The following CDK19 variants were observed in gnomAD, a reference collection of about 807,000 sequenced individuals.
CDK19 encodes the protein cyclin dependent kinase 19.
In CDK19, 20 loss-of-function variants were observed where a neutral mutation model predicts 68.3. The observed-to-expected ratio is 0.29, with a 90% confidence interval of 0.21 to 0.43. The LOEUF (loss-of-function observed/expected upper bound fraction) is 0.43, where lower values mean the gene tolerates loss of function less well. Among genes scored for constraint, CDK19 ranks in the 20% least tolerant of loss-of-function variants. CDK19 has a pLI of 1.00. For missense variants in CDK19, 339 were observed against 623.5 expected (o/e 0.54, Z 4.86); for synonymous variants, 221 against 222.8 (o/e 0.99, Z 0.07).
rs754325636 is a variant in CDK19, at chr6:110,714,273, C to G, written c.204+31853G>C. On this transcript the variant is annotated intron_variant, in intron 2 of 12. Transcript: ENST00000368911. Reference sequence around the variant, plus strand: ...TGGCCAGTATGGCTGAATAATATTCCCTTATATGGATATAGCACATTTTGT... The same window carrying G: ...TGGCCAGTATGGCTGAATAATATTCGCTTATATGGATATAGCACATTTTGT... Among the ~76,000 whole-genome samples, 18 of 152,110 alleles carry G rather than the reference C, an allele frequency of 1.2e-4. 1 individual carries two copies. Among genetic ancestry groups the G allele is most frequent in the Non-Finnish European group, 2.4e-4 (16 of 68,026 alleles).
chr6:110,633,572 G>A (rs1442886691), intron 5 of CDK19, among the ~76,000 whole-genome samples: 1 of 152,066 alleles, frequency 6.6e-6, no homozygotes, highest in Non-Finnish European at 1.5e-5. Flanking sequence ...TTTAACAAAG[G>A]TCTAAACCAA....
chr6:110,811,310 A>C (rs1009093446), intron 1 of CDK19, among the ~76,000 whole-genome samples: 1 of 152,242 alleles, frequency 6.6e-6, no homozygotes, highest in Non-Finnish European at 1.5e-5. Context: ...CTCATTGTGA[A>C]GAATTTCATG....
At chr6:110,801,087 G>T (rs952272949) in intron 1 of CDK19, among the ~76,000 whole-genome samples, 1 of 152,044 alleles carries the variant, frequency 6.6e-6, no homozygotes, top group Admixed American at 6.6e-5. Flanking sequence ...CCCGATAAAC[G>T]ACTTCAGTAC....
At chr6:110,812,915 A>G (rs1783220196) in intron 1 of CDK19, among the ~76,000 whole-genome samples, 1 of 151,968 alleles carries the variant, frequency 6.6e-6, no homozygotes, top group Non-Finnish European at 1.5e-5. Flanking sequence ...CTACCAACCC[A>G]CAAGAGACGT....
chr6:110,694,972 C>G (rs2114603203), intron 2 of CDK19, among the ~76,000 whole-genome samples: 1 of 152,226 alleles, frequency 6.6e-6, no homozygotes, highest in East Asian at 1.9e-4. Context: ...GAAAAATTAG[C>G]CAAGCATGGT....
intron 2 of CDK19, among the ~76,000 whole-genome samples, chr6:110,718,748 TCA>T (rs1775598299): frequency 6.6e-6 from 1 of 151,884 alleles, no homozygotes; most frequent in Non-Finnish European, 1.5e-5. Flanking sequence ...AAATTGCCAT[TCA>T]CAGATAGTTG....
At chr6:110,655,685 C>A (rs533731063) in intron 4 of CDK19, among the ~76,000 whole-genome samples, 1 of 151,762 alleles carries the variant, frequency 6.6e-6, no homozygotes, top group South Asian at 2.1e-4. Flanking sequence ...TCAACTATCT[C>A]CCCTCCTCTC....
chr6:110,774,273 A>C (rs1562277650), intron 1 of CDK19, among the ~76,000 whole-genome samples: 1 of 152,226 alleles, frequency 6.6e-6, no homozygotes, highest in Non-Finnish European at 1.5e-5. Flanking sequence ...AAATTATGTG[A>C]GAGCCAATAC....
In CDK19 at chr6:110,719,955, T is replaced by C. The variant is rs1021697306; in HGVS notation, c.204+26171A>G. ...CATGTTGGTCAGGTTGGTCTTGAAC[T>C]CCTGACCTTGTGATCCGCCCCCCCC... is the stretch of plus-strand genomic sequence containing the variant. On this transcript the variant is annotated intron_variant, in intron 2 of 12. Transcript: ENST00000368911. 2.4e-4 allele frequency among the ~76,000 whole-genome samples: 32 copies of C among 133,884 alleles called. No individual in the cohort carries two copies. The South Asian group carries it at 6.5e-3, about 27-fold the overall frequency. The allele number at this position is 133,884 out of a possible 152,430, so 87.8% of individuals were successfully genotyped here.
chr6:110,728,187 C>T (rs1582963857), intron 2 of CDK19, among the ~76,000 whole-genome samples: 1 of 151,096 alleles, frequency 6.6e-6, no homozygotes, highest in South Asian at 2.1e-4. Context: ...ACTCAGGAGG[C>T]TAAGGCAGCA....
intron 1 of CDK19, among the ~76,000 whole-genome samples, chr6:110,796,278 A>T (rs1781933432): frequency 6.6e-6 from 1 of 152,112 alleles, no homozygotes; most frequent in Non-Finnish European, 1.5e-5. Flanking sequence ...CAGAGGCTGC[A>T]GTGAGCCAAG....
chr6:110,687,038 T>C (rs970914099), intron 2 of CDK19, among the ~76,000 whole-genome samples: 4 of 152,150 alleles, frequency 2.6e-5, no homozygotes, highest in Non-Finnish European at 4.4e-5. Flanking sequence ...CATATCTACA[T>C]TTAAAATTAA....
intron 2 of CDK19, among the ~76,000 whole-genome samples, chr6:110,682,676 A>G (rs533281905): frequency 2.0e-5 from 3 of 152,178 alleles, no homozygotes; most frequent in Non-Finnish European, 4.4e-5. Flanking sequence ...TTTGCCACCC[A>G]GTTGAAATGA....
At chr6:110,736,744 C>G (rs1350994063) in intron 2 of CDK19, among the ~76,000 whole-genome samples, 1 of 152,072 alleles carries the variant, frequency 6.6e-6, no homozygotes, top group East Asian at 1.9e-4. Context: ...AATAATAATA[C>G]CAACAACAAA....
chr6:110,750,673 T>C (rs1402755267), intron 1 of CDK19, among the ~76,000 whole-genome samples: 1 of 152,186 alleles, frequency 6.6e-6, no homozygotes, highest in East Asian at 1.9e-4. Context: ...TGAAGATATT[T>C]ATTTACTAAG....
intron 1 of CDK19, among the ~76,000 whole-genome samples, chr6:110,808,479 T>C (rs761854750): frequency 6.6e-6 from 1 of 152,196 alleles, no homozygotes; most frequent in South Asian, 2.1e-4. Flanking sequence ...GGCACTACAA[T>C]AGAGTTGAGT....
At chr6:110,703,522 C>T (rs1172474015) in intron 2 of CDK19, among the ~76,000 whole-genome samples, 4 of 152,048 alleles carry the variant, frequency 2.6e-5, no homozygotes, top group Non-Finnish European at 5.9e-5. Context: ...AGCTATACAA[C>T]ATACACTGAT....
At chr6:110,619,849 G>T (rs1363572579) in intron 12 of CDK19, among the ~76,000 whole-genome samples, 1 of 151,968 alleles carries the variant, frequency 6.6e-6, no homozygotes, top group African/African-American at 2.4e-5. Context: ...GCACTAACAT[G>T]GCCCCGCCTT....
intron 1 of CDK19, among the ~76,000 whole-genome samples, chr6:110,747,948 A>G (rs1450738702): frequency 2.0e-5 from 3 of 152,234 alleles, no homozygotes; most frequent in African/African-American, 7.2e-5. Flanking sequence ...GTGCCTGAGA[A>G]GCTCAACACA....
Sources: gnomAD v4.1 joint callset for allele counts (sites outside exome capture counted in the v4.1 genomes callset) on GRCh38, gnomAD v4.1.1 for gene constraint, MANE v1.5 for transcripts, NCBI Gene and HGNC (gene_info 2026-07-23, HGNC 2026-07-21) for gene names.